Variants in ESF1 observed in about 807,000 individuals in gnomAD.
The protein encoded by ESF1 is ESF1 nucleolar pre-rRNA processing protein.
Under a neutral mutation model 92.0 loss-of-function variants are expected in ESF1, and 58 were observed. The ratio of observed to expected loss-of-function variants is 0.63; its 90% CI spans 0.51 to 0.78. The LOEUF (loss-of-function observed/expected upper bound fraction) is 0.78. ESF1 is among the 30% of genes least tolerant of loss of function. The pLI is 0.00. For missense variants in ESF1, 922 were observed against 989.1 expected, an observed-to-expected ratio of 0.93 and a Z score of 0.91; for synonymous variants, 321 against 313.7, an observed-to-expected ratio of 1.02 and a Z score of -0.24.
At chr20:13,762,638 G>T (rs1212673975) in intron 8 of ESF1, among the ~76,000 whole-genome samples, 1 of 151,984 alleles carries the variant, frequency 6.6e-6, no homozygotes, top group Non-Finnish European at 1.5e-5. Flanking sequence ...AGGAGTGAAA[G>T]AATAATAATT....
chr20:13,766,699 A>C (rs1979442082), intron 8 of ESF1, 78 bp downstream of exon 8: 3 of 1,417,994 alleles, frequency 2.1e-6, no homozygotes, highest in Non-Finnish European at 2.0e-6. Context: ...GCATATCTGC[A>C]GACAGAATTT....
chr20:13,761,413 T>TAA (rs202029740), intron 8 of ESF1, among the ~76,000 whole-genome samples: 4 of 139,722 alleles, frequency 2.9e-5, no homozygotes, highest in African/African-American at 5.3e-5. Flanking sequence ...TACAAAAAAT[T>TAA]AAAAAAAAAA....
chr20:13,770,102 G>A, intron 6 of ESF1, 81 bp from the exon 7 acceptor site: 4 of 767,970 alleles, frequency 5.2e-6, no homozygotes, highest in Non-Finnish European at 8.5e-6. Flanking sequence ...ATTAGTTGTA[G>A]TTTATACATA....
At position 13,760,299 on chromosome 20, in the gene ESF1, T is replaced by C. The variant is rs1443345646; in HGVS notation, c.1667-446A>G. 2.0e-5 allele frequency among the ~76,000 whole-genome samples: 3 copies of C among 149,246 alleles called. No individual in the cohort carries two copies. The East Asian group carries it at 6.0e-4, about 30-fold the overall frequency. On this transcript the variant is annotated intron_variant, in intron 8 of 13. Coordinates refer to ENST00000617257, the MANE Select transcript of ESF1 (RefSeq NM_001276380.2). The stretch of plus-strand genomic sequence containing the variant: ...GTCTCTGCCCGGCCGTCATCCTATC[T>C]AGGAAGTGAGGAGCGCCTCTTCCCG...
chr20:13,736,180 T>C (rs6033811), intron 9 of ESF1, among the ~76,000 whole-genome samples: 15 of 152,142 alleles, frequency 9.9e-5, no homozygotes, highest in Non-Finnish European at 1.6e-4. Context: ...TTGGACCAGA[T>C]AATTCTTTGT....
At chr20:13,775,353 CT>C in intron 3 of ESF1, 83 bp from the exon 4 acceptor site, 3 of 825,952 alleles carry the variant, frequency 3.6e-6, no homozygotes, top group Middle Eastern at 3.7e-4. Flanking sequence ...AATGTAATGC[CT>C]TCTGTCCCCT....
intron 9 of ESF1, among the ~76,000 whole-genome samples, chr20:13,759,240 T>A (rs1363191318): frequency 6.6e-6 from 1 of 152,238 alleles, no homozygotes. Context: ...TATTTTACTC[T>A]ACTATGCTAT....
At chr20:13,774,543 CAATACTATTGTT>C (rs1979837269) in intron 4 of ESF1, among the ~76,000 whole-genome samples, 1 of 152,108 alleles carries the variant, frequency 6.6e-6, no homozygotes, top group African/African-American at 2.4e-5. Context: ...TTACAATCAC[CAATACTATTGTT>C]ATATCCATTT....
chr20:13,748,180 A>G (rs1192268918), intron 9 of ESF1, among the ~76,000 whole-genome samples: 1 of 152,094 alleles, frequency 6.6e-6, no homozygotes, highest in Non-Finnish European at 1.5e-5. Flanking sequence ...TATTCTTGTC[A>G]GTTCTCTGAT....
At chr20:13,748,421 C>CATATACACATATAT (rs1165420400) in intron 9 of ESF1, among the ~76,000 whole-genome samples, 3 of 147,144 alleles carry the variant, frequency 2.0e-5, no homozygotes, top group African/African-American at 5.0e-5. Flanking sequence ...CATATATATA[C>CATATACACATATAT]ATATACACAT....
chr20:13,768,559 G>A (rs1370040786), intron 7 of ESF1, among the ~76,000 whole-genome samples: 1 of 151,760 alleles, frequency 6.6e-6, no homozygotes, highest in Non-Finnish European at 1.5e-5. Flanking sequence ...TCCAGCCTAG[G>A]CGACAGAGTG....
chr20:13,746,672 T>C (rs895536596), intron 9 of ESF1, among the ~76,000 whole-genome samples: 41 of 152,214 alleles, frequency 2.7e-4, no homozygotes, highest in Non-Finnish European at 2.5e-4. Context: ...AAGCTATGAA[T>C]ATAGAAGGAT....
chr20:13,784,586 C>T (rs1012345787), intron 1 of ESF1, among the ~76,000 whole-genome samples: 9 of 152,124 alleles, frequency 5.9e-5, no homozygotes, highest in Non-Finnish European at 1.3e-4. Flanking sequence ...GCCCACCCTC[C>T]CCTTCTGCCC....
At chr20:13,722,863 A>G (rs1316809889) in intron 11 of ESF1, among the ~76,000 whole-genome samples, 1 of 151,986 alleles carries the variant, frequency 6.6e-6, no homozygotes, top group Admixed American at 6.6e-5. Context: ...CAAAAAAAGA[A>G]GAAAAAAAAA....
chr20:13,758,079 CAACCCCTT>C, intron 9 of ESF1, among the ~76,000 whole-genome samples: 1 of 151,362 alleles, frequency 6.6e-6, no homozygotes, highest in Middle Eastern at 3.4e-3. Context: ...ACAGAGAGCT[CAACCCCTT>C]AAAGCAGCCT....
chr20:13,766,695 C>T (rs1405775170), intron 8 of ESF1, 82 bp downstream of exon 8: 3 of 1,388,446 alleles, frequency 2.2e-6, no homozygotes, highest in African/African-American at 2.9e-5. Context: ...GTGAGCATAT[C>T]TGCAGACAGA....
At chr20:13,784,699 C>G (rs894858470) in intron 1 of ESF1, 181 bp downstream of exon 1, 1 of 249,562 alleles carries the variant, frequency 4.0e-6, no homozygotes, top group African/African-American at 2.3e-5. Context: ...GAGAAGCGAC[C>G]CTGAAAAGGA....
At chr20:13,729,880 TA>T (rs2049930024) in intron 10 of ESF1, among the ~76,000 whole-genome samples, 1 of 152,138 alleles carries the variant, frequency 6.6e-6, no homozygotes. Flanking sequence ...ATCTATACAA[TA>T]AATAGAACAC....
In ESF1 at chr20:13,782,607, G is replaced by C; in HGVS notation, c.534C>G (p.Asp178Glu). ...TCCTTTGTTTTTCTTCGAGAGAAGA[G>C]TCTGTAGTATGTTGAACAATGTTTT... The part of the protein sequence containing the change: ...EKKNIVQHTT[D>E]SSLEEKQRTL... The change falls in exon 2 of 14, where the codon GAC becomes GAG. Residue 178 changes from aspartate to glutamate, a missense_variant. Coordinates refer to ENST00000617257, the MANE Select transcript of ESF1 (RefSeq NM_001276380.2). The C allele has an allele frequency of 6.2e-7, 1 of 1,601,792 alleles. No individual in the cohort carries two copies. Among genetic ancestry groups the C allele is most frequent in the Non-Finnish European group, 8.5e-7 (1 of 1,177,060 alleles).
Sources: gnomAD v4.1 joint callset for allele counts (sites outside exome capture counted in the v4.1 genomes callset) on GRCh38, gnomAD v4.1.1 for gene constraint, MANE v1.5 for transcripts, NCBI Gene and HGNC (gene_info 2026-07-23, HGNC 2026-07-21) for gene names.